Variants in RNASE4 observed in about 807,000 individuals in gnomAD.
RNASE4 encodes the protein ribonuclease A family member 4.
For synonymous variants in RNASE4, 93 were observed against 71.4 expected (o/e 1.30, Z -1.52); for missense variants, 194 against 192.8 (o/e 1.01, Z -0.04).
rs1023339938 is a variant in RNASE4, at chr14:20,700,028, C to T, written c.*213C>T. On this transcript the variant is annotated 3_prime_UTR_variant, in exon 2 of 2. Coordinates refer to ENST00000555835, the MANE Select transcript of RNASE4 (RefSeq NM_002937.5). Reference sequence around the variant, plus strand: ...TGAGGCTGGGCTTTTCTGTAATAAGCTTCCTTTTATAATACTGGTCAGCTT... The same window carrying T: ...TGAGGCTGGGCTTTTCTGTAATAAGTTTCCTTTTATAATACTGGTCAGCTT... 5.2e-6 allele frequency: 3 copies of T among 575,474 alleles called. No individual in the cohort carries two copies. Among genetic ancestry groups the T allele is most frequent in the Admixed American group, 6.5e-5 (2 of 30,954 alleles). The allele number at this position is 575,474 out of a possible 1,614,324, so 35.6% of individuals were successfully genotyped here.
Position 20,700,104 on chromosome 14 carries a change from T to C in RNASE4, c.*289T>C, listed in dbSNP as rs1887245858. The C allele has an allele frequency of 8.2e-6, 3 of 368,022 alleles. No homozygotes were observed. Among genetic ancestry groups the C allele is most frequent in the South Asian group, 9.4e-5 (2 of 21,174 alleles). The allele number at this position is 368,022 out of a possible 1,614,324, so 22.8% of individuals were successfully genotyped here. ...AATTTAGTTATTATGTGTATTTATGTAGTATTTCAAACATTTCAAAATGCT... is the reference window on the plus strand; with the variant it reads ...AATTTAGTTATTATGTGTATTTATGCAGTATTTCAAACATTTCAAAATGCT... On this transcript the variant is annotated 3_prime_UTR_variant, in exon 2 of 2. Transcript: ENST00000555835.
intron 1 of RNASE4, among the ~76,000 whole-genome samples, chr14:20,692,896 G>T (rs1886845269): frequency 6.6e-6 from 1 of 152,026 alleles, no homozygotes; most frequent in Admixed American, 6.5e-5. Context: ...CGCCAAGGCT[G>T]GAGTGCAGTG....
At chr14:20,694,870 A>G (rs1887025639) in intron 1 of RNASE4, among the ~76,000 whole-genome samples, 1 of 151,448 alleles carries the variant, frequency 6.6e-6, no homozygotes, top group African/African-American at 2.4e-5. Context: ...TCACTCTTAC[A>G]CACACACACA....
rs1176062923 is a variant in RNASE4, at chr14:20,699,394, C to T, written c.23C>T (p.Ser8Leu). The T allele has an allele frequency of 4.4e-6, 7 of 1,604,694 alleles. No homozygotes were observed. Among genetic ancestry groups the T allele is most frequent in the Non-Finnish European group, 6.0e-6 (7 of 1,174,094 alleles). MALQRTH[S>L]LLLLLLLTLL... ...CTGATGGCTCTGCAGAGGACCCATT[C>T]ATTGCTTCTGCTTTTGCTGCTGACC... The change falls in exon 2 of 2, where the codon TCA becomes TTA. Residue 8 changes from serine (S) to leucine (L), a missense_variant. Coordinates refer to ENST00000555835, the MANE Select transcript of RNASE4 (RefSeq NM_002937.5).
At chr14:20,686,602 C>T (rs1316599703) in intron 1 of RNASE4, among the ~76,000 whole-genome samples, 1 of 152,080 alleles carries the variant, frequency 6.6e-6, no homozygotes, top group African/African-American at 2.4e-5. Context: ...GGCACAAAGC[C>T]CAGAGTTGGT....
At chr14:20,685,600 T>C (rs1158542888) in intron 1 of RNASE4, among the ~76,000 whole-genome samples, 2 of 152,224 alleles carry the variant, frequency 1.3e-5, no homozygotes, top group East Asian at 3.8e-4. Context: ...TACGCTTCAA[T>C]TCAAGCAATT....
chr14:20,690,221 C>CAAAAAAAAAAAAAAAAAAAAAA (rs36091065), intron 1 of RNASE4, among the ~76,000 whole-genome samples: 5 of 67,978 alleles, frequency 7.4e-5, no homozygotes, highest in African/African-American at 3.2e-4. Context: ...GACTCCGTCT[C>CAAAAAAAAAAAAAAAAAAAAAA]AAAAAAAAAA....
chr14:20,693,423 TA>T, intron 1 of RNASE4: 1 of 1,280,422 alleles, frequency 7.8e-7, no homozygotes, highest in South Asian at 1.2e-5. Context: ...AAATAGAATA[TA>T]AAATTTGGTG....
intron 1 of RNASE4, among the ~76,000 whole-genome samples, chr14:20,689,761 AC>A (rs1465116945): frequency 7.9e-5 from 12 of 152,146 alleles, no homozygotes; most frequent in African/African-American, 2.9e-4. Flanking sequence ...TACCAAATAC[AC>A]AAAATTAGCC....
rs570548224 is a variant in RNASE4 at position 20,699,233 on chromosome 14, G to A, written c.-17-122G>A. 11 of 750,958 alleles carry A rather than the reference G, an allele frequency of 1.5e-5. No homozygotes were observed. In the African/African-American group the frequency reaches 1.6e-4, roughly 11 times the overall value. The allele number at this position is 750,958 out of a possible 1,614,324, so 46.5% of individuals were successfully genotyped here. A position where few individuals can be genotyped will look rare whatever the true frequency, so the allele number is the denominator to read the frequency against. On this transcript the variant is annotated intron_variant, in intron 1 of 1. Transcript: ENST00000555835. ...AGTAGCAGAGATGAGTGGGGAGATG[G>A]TGCATATAAGAAGGAGGAAAGAGGA...
intron 1 of RNASE4, among the ~76,000 whole-genome samples, chr14:20,693,136 C>T (rs571691877): frequency 3.9e-5 from 6 of 152,318 alleles, no homozygotes; most frequent in East Asian, 1.9e-4. Context: ...CGTGAGCCAC[C>T]GCGCCCGGCC....
Position 20,699,577 on chromosome 14 carries a change from G to A in RNASE4, c.206G>A (p.Arg69His), listed in dbSNP as rs532574894. Residue 69 changes from arginine to histidine, a missense_variant, in exon 2 of 2, where the codon CGC becomes CAC. By Grantham distance (29) the Arg-to-His change is conservative (BLOSUM62 0). Transcript: ENST00000555835. The stretch of plus-strand genomic sequence containing the variant: ...AAGATGACTTTGTATCACTGCAAGC[G>A]CTTCAACACCTTCATCCATGAAGAT... Reference protein sequence around the residue: ...RRKMTLYHCKRFNTFIHEDIW... With the variant: ...RRKMTLYHCKHFNTFIHEDIW... 1.5e-5 allele frequency: 25 copies of A among 1,614,034 alleles called. No individual in the cohort carries two copies. The highest frequency in any genetic ancestry group is 8.3e-5 in the Admixed American group (5 of 60,002).
At chr14:20,690,949 A>G (rs1886710486) in intron 1 of RNASE4, among the ~76,000 whole-genome samples, 1 of 152,204 alleles carries the variant, frequency 6.6e-6, no homozygotes, top group South Asian at 2.1e-4. Flanking sequence ...AAACCTGACA[A>G]CAGGTCGGTC....
rs1887192264 is a variant in RNASE4 at position 20,699,173 on chromosome 14, C to CA, written c.-17-179dup. 3 of 572,134 alleles carry CA rather than the reference C, an allele frequency of 5.2e-6. No homozygotes were observed. In the South Asian group the frequency reaches 7.7e-5, roughly 15 times the overall value. The allele number at this position is 572,134 out of a possible 1,614,324, so 35.4% of individuals were successfully genotyped here. On this transcript the variant is annotated intron_variant, in intron 1 of 1. Coordinates refer to ENST00000555835, the MANE Select transcript of RNASE4 (RefSeq NM_002937.5). ...TTGCTTTCAGAAAAGATCATGTTTG[C>CA]AAACTACTCACTCTTGAGGAAGAAG...
At position 20,695,759 on chromosome 14, in the gene RNASE4, CAG is replaced by C. The variant is rs1237957478; in HGVS notation, c.-17-3595_-17-3594del. Among the ~76,000 whole-genome samples the C allele has an allele frequency of 3.9e-5, 6 of 152,204 alleles. No individual in the cohort carries two copies. In the East Asian group the frequency reaches 1.2e-3, roughly 29 times the overall value. On this transcript the variant is annotated intron_variant, in intron 1 of 1. Coordinates refer to ENST00000555835, the MANE Select transcript of RNASE4 (RefSeq NM_002937.5). ...AATACTCAGGTTATAGAACATTGTC[CAG>C]GTACCACCTAGGAGAGCCCAGCCTC...
At chr14:20,693,574 G>A (rs751781877) in intron 1 of RNASE4, 1 of 1,612,578 alleles carries the variant, frequency 6.2e-7, no homozygotes, top group Non-Finnish European at 8.5e-7. Flanking sequence ...GATGGTGATG[G>A]GCCTGGGCGT....
intron 1 of RNASE4, among the ~76,000 whole-genome samples, chr14:20,694,533 C>T (rs1887008572): frequency 6.6e-6 from 1 of 152,010 alleles, no homozygotes; most frequent in South Asian, 2.1e-4. Flanking sequence ...CTCCTGACCT[C>T]GGGAGATCCG....
chr14:20,693,831 C>T (rs1886953172), intron 1 of RNASE4: 8 of 1,614,226 alleles, frequency 5.0e-6, no homozygotes, highest in Non-Finnish European at 6.8e-6. Context: ...GAAACCCTCA[C>T]AGAGAAAACC....
intron 1 of RNASE4, among the ~76,000 whole-genome samples, chr14:20,689,904 A>C (rs1886626615): frequency 7.1e-6 from 1 of 140,464 alleles, no homozygotes; most frequent in South Asian, 2.3e-4. Context: ...CGATAGAACA[A>C]GACTCTGTCT....
Sources: allele counts gnomAD v4.1 joint callset (sites outside exome capture counted in the v4.1 genomes callset), GRCh38; gene constraint gnomAD v4.1.1; transcripts MANE v1.5; gene names NCBI Gene and HGNC (gene_info 2026-07-23, HGNC 2026-07-21).